KDM2B: variants seen among roughly 807,000 people sequenced by gnomAD.
KDM2B encodes lysine-specific demethylase 2B.
Under a neutral mutation model 150.0 loss-of-function variants are expected in KDM2B, and 26 were observed. The ratio of observed to expected loss-of-function variants is 0.17; its 90% CI spans 0.13 to 0.24. The LOEUF (loss-of-function observed/expected upper bound fraction) is 0.24, where lower values mean the gene tolerates loss of function less well. KDM2B is among the 10% of genes least tolerant of loss of function. The pLI, the probability that KDM2B is intolerant of heterozygous loss-of-function variation, is 1.00. For synonymous variants in KDM2B, 734 were observed against 729.5 expected (o/e 1.01, Z -0.10); for missense variants, 1,265 against 1,816.9 (o/e 0.70, Z 5.52).
chr12:121,453,353 G>T lies in KDM2B; in HGVS notation c.1735-9C>A, dbSNP rs781968501. On this transcript the variant is annotated splice_polypyrimidine_tract_variant and intron_variant, in intron 12 of 22. Transcript: ENST00000377071. This position sits in a 1 kb window ranked among gnomAD's most constrained non-coding sequence, Gnocchi z 6.4. ...CGACCCACAGCCCGGTTCTGCAGGG[G>T]AACAGACACGACTGGTCAGATGGGG... 6.4e-7 allele frequency: 1 copy of T among 1,555,102 alleles called. No homozygotes were observed.
chr12:121,519,716 A>T (rs1440704073), intron 9 of KDM2B, among the ~76,000 whole-genome samples: 1 of 152,208 alleles, frequency 6.6e-6, no homozygotes, highest in Non-Finnish European at 1.5e-5. Flanking sequence ...ATCATGACAC[A>T]ATCTTATAAA....
the KDM2B span, chr12:121,423,428 T>G: frequency 6.2e-7 from 1 of 1,612,736 alleles, no homozygotes; most frequent in South Asian, 1.1e-5. The surrounding 1 kb of genome is among the most constrained non-coding windows in gnomAD (Gnocchi z 4.3). Flanking sequence ...GACGACAGCC[T>G]GTGTCGCATC....
At chr12:121,438,502 A>G (rs1874385818) in intron 22 of KDM2B, among the ~76,000 whole-genome samples, 1 of 152,164 alleles carries the variant, frequency 6.6e-6, no homozygotes, top group South Asian at 2.1e-4. Context: ...GGCCCTCTCC[A>G]AAGGGCAGCT....
intron 11 of KDM2B, among the ~76,000 whole-genome samples, chr12:121,495,716 C>T (rs782735876): frequency 6.6e-6 from 1 of 152,164 alleles, no homozygotes; most frequent in Non-Finnish European, 1.5e-5. Context: ...GACCTTGATG[C>T]CTTCATAGAG....
At chr12:121,550,189 A>T (rs544572911) in intron 4 of KDM2B, among the ~76,000 whole-genome samples, 9 of 152,252 alleles carry the variant, frequency 5.9e-5, no homozygotes, top group African/African-American at 2.2e-4. Flanking sequence ...TCACGCCTAT[A>T]GTGCCAGCTA....
intron 4 of KDM2B, among the ~76,000 whole-genome samples, chr12:121,570,667 T>C (rs1891028097): frequency 6.6e-6 from 1 of 152,066 alleles, no homozygotes; most frequent in Non-Finnish European, 1.5e-5. Context: ...AGACAGACAA[T>C]AACAAGTGTT....
chr12:121,432,385 A>G (rs1873202282), intron 22 of KDM2B, among the ~76,000 whole-genome samples: 1 of 152,120 alleles, frequency 6.6e-6, no homozygotes, highest in Non-Finnish European at 1.5e-5. Context: ...AAGAATAGGG[A>G]TTTTACTAAT....
At chr12:121,502,631 G>GT (rs1555302197) in intron 11 of KDM2B, among the ~76,000 whole-genome samples, 1 of 150,378 alleles carries the variant, frequency 6.6e-6, no homozygotes, top group Non-Finnish European at 1.5e-5. Context: ...AAAAAAAAAG[G>GT]TATCACCTGG....
intron 8 of KDM2B, among the ~76,000 whole-genome samples, chr12:121,530,939 A>C (rs1594063407): frequency 6.6e-6 from 1 of 151,972 alleles, no homozygotes; most frequent in Admixed American, 6.6e-5. Context: ...GCTCCACCCC[A>C]CCACCATTGT....
intron 6 of KDM2B, among the ~76,000 whole-genome samples, chr12:121,544,379 G>GA (rs1555310279): frequency 6.6e-6 from 1 of 152,200 alleles, no homozygotes; most frequent in Non-Finnish European, 1.5e-5. Context: ...GGGAAGCCAA[G>GA]GCAGGTGATC....
At chr12:121,491,040 G>C (rs1883289065) in intron 12 of KDM2B, among the ~76,000 whole-genome samples, 1 of 152,126 alleles carries the variant, frequency 6.6e-6, no homozygotes, top group Non-Finnish European at 1.5e-5. Flanking sequence ...GGCAGCCCAG[G>C]CAGTCAGTCG....
chr12:121,580,244 A>T, intron 1 of KDM2B: 4 of 1,067,034 alleles, frequency 3.7e-6, no homozygotes, highest in Middle Eastern at 3.8e-4. Flanking sequence ...AACCATTTTC[A>T]GCAGTTGTGG....
downstream of KDM2B, among the ~76,000 whole-genome samples, chr12:121,427,691 T>C (rs1872575234): frequency 6.6e-6 from 1 of 151,188 alleles, no homozygotes; most frequent in Non-Finnish European, 1.5e-5. Context: ...GTGTCTCTGC[T>C]GTATTGCACA....
At chr12:121,475,872 AG>A (rs1332687298) in intron 12 of KDM2B, among the ~76,000 whole-genome samples, 2 of 151,900 alleles carry the variant, frequency 1.3e-5, no homozygotes, top group Admixed American at 6.6e-5. Context: ...ATCACTCAAG[AG>A]AGATTTTAGG....
At chr12:121,544,593 C>T (rs1361618381) in intron 6 of KDM2B, among the ~76,000 whole-genome samples, 1 of 139,034 alleles carries the variant, frequency 7.2e-6, no homozygotes, top group Non-Finnish European at 1.6e-5. Flanking sequence ...CTGGACAACA[C>T]AGTGAGTCTC....
chr12:121,485,816 A>G (rs1882693187), intron 12 of KDM2B, among the ~76,000 whole-genome samples: 2 of 150,740 alleles, frequency 1.3e-5, no homozygotes, highest in Non-Finnish European at 3.0e-5. Flanking sequence ...TTGCTTTGTC[A>G]CCCAGGTTGG....
intron 4 of KDM2B, among the ~76,000 whole-genome samples, chr12:121,565,682 T>C (rs1207787644): frequency 2.0e-5 from 3 of 152,142 alleles, no homozygotes; most frequent in African/African-American, 7.2e-5. Flanking sequence ...TGGAGTGCAG[T>C]GGCGCAATCT....
chr12:121,542,578 A>T (rs1888694607), intron 6 of KDM2B, among the ~76,000 whole-genome samples: 1 of 152,240 alleles, frequency 6.6e-6, no homozygotes, highest in East Asian at 1.9e-4. Context: ...TAAGCTCTGA[A>T]GTTTTAGAAT....
intron 4 of KDM2B, among the ~76,000 whole-genome samples, chr12:121,573,634 G>A (rs1410826772): frequency 6.7e-6 from 1 of 150,350 alleles, no homozygotes; most frequent in Admixed American, 6.6e-5. Flanking sequence ...GCCCAGGCTG[G>A]AGCGCAGTGG....
Sources: gnomAD v4.1 joint callset for allele counts (sites outside exome capture counted in the v4.1 genomes callset) on GRCh38, gnomAD v4.1.1 for gene constraint, Gnocchi (gnomAD v3.1) non-coding constraint, MANE v1.5 for transcripts, NCBI Gene and HGNC (gene_info 2026-07-23, HGNC 2026-07-21) for gene names.